ACTN4: variants seen among roughly 807,000 people sequenced by gnomAD.
ACTN4 encodes the protein alpha-actinin-4.
Under a neutral mutation model 114.2 loss-of-function variants are expected in ACTN4, and 18 were observed. The observed-to-expected ratio is 0.16, with a 90% CI of 0.11 to 0.23. ACTN4 has a LOEUF of 0.23. Among genes scored for constraint, ACTN4 ranks in the 10% least tolerant of loss-of-function variants. The probability of loss-of-function intolerance (pLI) is 1.00; values close to 1 mark genes in which losing one functional copy is unlikely to be tolerated. For missense variants in ACTN4, 722 were observed against 1,262.9 expected, an observed-to-expected ratio of 0.57 and a Z score of 6.49; for synonymous variants, 515 against 506.3, an observed-to-expected ratio of 1.02 and a Z score of -0.23.
At chr19:38,690,982 T>C (rs1164614921) in intron 1 of ACTN4, among the ~76,000 whole-genome samples, 1 of 152,210 alleles carries the variant, frequency 6.6e-6, no homozygotes, top group African/African-American at 2.4e-5. Flanking sequence ...GTACCTGCTA[T>C]GTGAAAGGTA....
At chr19:38,660,630 A>G (rs1361951698) in intron 1 of ACTN4, among the ~76,000 whole-genome samples, 1 of 152,142 alleles carries the variant, frequency 6.6e-6, no homozygotes, top group African/African-American at 2.4e-5. Context: ...TCCCAACCTC[A>G]GGTGACCCAC....
intron 1 of ACTN4, among the ~76,000 whole-genome samples, chr19:38,665,475 A>G (rs1966928543): frequency 6.6e-6 from 1 of 152,236 alleles, no homozygotes. Context: ...TCCAGGTGGG[A>G]TCTGCTACTT....
At position 38,729,592 on chromosome 19, in the gene ACTN4, C is replaced by T; in HGVS notation, c.*160C>T. ...GGGGCTGGGGCAGGCTCTCTCCTCT[C>T]TCTCTTTGTGGGTTGGCCAGGAGGT... On this transcript the variant is annotated 3_prime_UTR_variant, in exon 21 of 21. Coordinates refer to ENST00000252699, the MANE Select transcript of ACTN4 (RefSeq NM_004924.6). 1 of 1,067,584 alleles carries T rather than the reference C, an allele frequency of 9.4e-7. No homozygotes were observed. Among genetic ancestry groups the T allele is most frequent in the East Asian group, 2.6e-5 (1 of 38,046 alleles). 66.1% of individuals were successfully genotyped at this position (1,067,584 alleles called of 1,614,324 possible). A position where few individuals can be genotyped will look rare whatever the true frequency, so the allele number is the denominator to read the frequency against.
chr19:38,653,638 C>T (rs551616334), intron 1 of ACTN4, among the ~76,000 whole-genome samples: 3 of 152,202 alleles, frequency 2.0e-5, no homozygotes, highest in Admixed American at 1.3e-4. Flanking sequence ...TAATGAACTC[C>T]GTGTTTTCAT....
intron 1 of ACTN4, among the ~76,000 whole-genome samples, chr19:38,682,846 A>C (rs7254100): frequency 0.37 from 56,113 of 151,706 alleles, 11,729 homozygotes; most frequent in Non-Finnish European, 0.46. Context: ...GGCTCTTTCT[A>C]CTTATTCAGC....
At position 38,698,782 on chromosome 19, in the gene ACTN4, C is replaced by G. The variant is rs558446325; in HGVS notation, c.163-1818C>G. Among the ~76,000 whole-genome samples, 8 of 152,280 alleles carry G rather than the reference C, an allele frequency of 5.3e-5. No homozygotes were observed. The East Asian group carries it at 1.5e-3, about 29-fold the overall frequency. ...ATGGTCTAGCTGTCCACTCTTGCCCCCTTTCGGATTTGGAAGGAAGCCCCA... is the reference window on the plus strand; with the variant it reads ...ATGGTCTAGCTGTCCACTCTTGCCCGCTTTCGGATTTGGAAGGAAGCCCCA... On this transcript the variant is annotated intron_variant, in intron 1 of 20. Transcript: ENST00000252699.
chr19:38,686,802 G>C (rs73933046), intron 1 of ACTN4, among the ~76,000 whole-genome samples: 1,740 of 152,252 alleles, frequency 0.011, 28 homozygotes, highest in African/African-American at 0.04. Flanking sequence ...TTGGTTGGTT[G>C]GTTGGTTTCC....
At chr19:38,700,133 A>G (rs943327966) in intron 1 of ACTN4, among the ~76,000 whole-genome samples, 4 of 152,142 alleles carry the variant, frequency 2.6e-5, no homozygotes, top group African/African-American at 9.7e-5. Flanking sequence ...GCTGGCCTTC[A>G]TCAAGAAAAC....
At chr19:38,654,033 G>A (rs1307737596) in intron 1 of ACTN4, among the ~76,000 whole-genome samples, 1 of 152,222 alleles carries the variant, frequency 6.6e-6, no homozygotes, top group Non-Finnish European at 1.5e-5. Flanking sequence ...AGTGTTGGCA[G>A]CCTAGGCGCC....
intron 17 of ACTN4, among the ~76,000 whole-genome samples, chr19:38,726,411 A>G (rs750838608): frequency 1.3e-5 from 2 of 152,138 alleles, no homozygotes; most frequent in African/African-American, 2.4e-5. Context: ...AAGCTGTTCT[A>G]GGGGCCCACA....
rs753093200 is a variant in ACTN4, at chr19:38,731,173, C to A, written c.*1741C>A. On this transcript the variant is annotated 3_prime_UTR_variant, in exon 21 of 21. Transcript: ENST00000252699. ...TCGAAGTCCACACGCAGACGGCTAT[C>A]CCGGTAGCGGCTGGTGAGGGTCTGG... The A allele has an allele frequency of 1.9e-6, 3 of 1,613,208 alleles. No homozygotes were observed. Among genetic ancestry groups the A allele is most frequent in the Non-Finnish European group, 2.5e-6 (3 of 1,180,008 alleles).
Position 38,717,214 on chromosome 19 carries a change from G to A in ACTN4, c.1041G>A (p.Val347=). Residue 347 remains valine (V), a synonymous_variant, in exon 10 of 21, where the codon GTG becomes GTA. Transcript: ENST00000252699. The surrounding 1 kb of genome is among the most constrained non-coding windows in gnomAD (Gnocchi z 4.0). ...GGCGTGTGCACAAGCCGCCCAAGGTGCAGGAGAAGTGCCAGCTGGAGATCA... is the reference window on the plus strand; with the variant it reads ...GGCGTGTGCACAAGCCGCCCAAGGTACAGGAGAAGTGCCAGCTGGAGATCA... ...DYRRVHKPPK[V]QEKCQLEINF... 6.2e-7 allele frequency: 1 copy of A among 1,614,244 alleles called. No homozygotes were observed. Among genetic ancestry groups the A allele is most frequent in the South Asian group, 1.1e-5 (1 of 91,092 alleles).
At position 38,731,456 on chromosome 19, in the gene ACTN4, G is replaced by A. The variant is rs1272655344; in HGVS notation, c.*2024G>A. 3.5e-5 allele frequency: 20 copies of A among 572,804 alleles called. No individual in the cohort carries two copies. The East Asian group carries it at 3.5e-4, about 10-fold the overall frequency. 35.5% of individuals were successfully genotyped at this position (572,804 alleles called of 1,614,324 possible). A position where few individuals can be genotyped will look rare whatever the true frequency, so the allele number is the denominator to read the frequency against. ...CCCATAGGGTGTGTGAAGACAGAAC[G>A]CTCAGGACAGCGTCTGACACGTGAC... On this transcript the variant is annotated 3_prime_UTR_variant, in exon 21 of 21. Transcript: ENST00000252699.
Position 38,724,592 on chromosome 19 carries a change from C to A in ACTN4, c.2010+27C>A. On this transcript the variant is annotated intron_variant, in intron 16 of 20. Coordinates refer to ENST00000252699, the MANE Select transcript of ACTN4 (RefSeq NM_004924.6). The surrounding 1 kb of genome is among the most constrained non-coding windows in gnomAD (Gnocchi z 7.0). The stretch of plus-strand genomic sequence containing the variant: ...TGAGGCACGGCTGAGCCCCACAGAG[C>A]TGAGAAGGTTCCAAGAGAGCTCCCG... 6.2e-7 allele frequency: 1 copy of A among 1,612,816 alleles called. No individual in the cohort carries two copies.
intron 1 of ACTN4, among the ~76,000 whole-genome samples, chr19:38,698,393 C>A (rs1968160622): frequency 6.6e-6 from 1 of 152,114 alleles, no homozygotes; most frequent in Admixed American, 6.5e-5. Flanking sequence ...ATGGGGGAGG[C>A]TGGGAAGGTG....
At position 38,709,448 on chromosome 19, in the gene ACTN4, C is replaced by G; in HGVS notation, c.705C>G (p.Leu235=). The change falls in exon 7 of 21, where the codon CTC becomes CTG. Residue 235 remains leucine, a synonymous_variant. Coordinates refer to ENST00000252699, the MANE Select transcript of ACTN4 (RefSeq NM_004924.6). The stretch of plus-strand genomic sequence containing the variant: ...CCTTCGAAGTGGCTGAGAAATACCT[C>G]GACATCCCCAAGATGCTGGATGCAG... ...NNAFEVAEKY[L]DIPKMLDAED... is the part of the protein sequence containing the mutation. 3 of 1,614,160 alleles carry G rather than the reference C, an allele frequency of 1.9e-6. No homozygotes were observed.
At position 38,673,665 on chromosome 19, in the gene ACTN4, TATATATATTTATATATTTA is replaced by T. The variant is rs1568690597; in HGVS notation, c.162+25759_162+25777del. 2.4e-4 allele frequency among the ~76,000 whole-genome samples: 7 copies of T among 29,248 alleles called. 2 individuals carry two copies. The highest frequency in any genetic ancestry group is 3.9e-4 in the Non-Finnish European group (5 of 12,700). The allele number at this position is 29,248 out of a possible 152,430, so 19.2% of individuals were successfully genotyped here. On this transcript the variant is annotated intron_variant, in intron 1 of 20. Coordinates refer to ENST00000252699, the MANE Select transcript of ACTN4 (RefSeq NM_004924.6). ...TATATATTTATATATTTATATATAT[TATATATATTTATATATTTA>T]TATATATTATATATATTTATATATT...
intron 1 of ACTN4, among the ~76,000 whole-genome samples, chr19:38,682,361 T>C (rs1044501063): frequency 6.6e-6 from 1 of 152,002 alleles, no homozygotes; most frequent in Non-Finnish European, 1.5e-5. Context: ...TTGTTTTTTT[T>C]CCAAATTGAA....
At chr19:38,688,618 C>T (rs1160151054) in intron 1 of ACTN4, among the ~76,000 whole-genome samples, 1 of 151,320 alleles carries the variant, frequency 6.6e-6, no homozygotes, top group East Asian at 1.9e-4. Context: ...TAGCATATTC[C>T]TGGGAGGCTG....
Sources: gnomAD v4.1 joint callset for allele counts (sites outside exome capture counted in the v4.1 genomes callset) on GRCh38, gnomAD v4.1.1 for gene constraint, Gnocchi (gnomAD v3.1) non-coding constraint, MANE v1.5 for transcripts, NCBI Gene and HGNC (gene_info 2026-07-23, HGNC 2026-07-21) for gene names.